The following NR2E3 variants were observed in gnomAD, a reference collection of about 807,000 sequenced individuals.
NR2E3 encodes photoreceptor-specific nuclear receptor.
A neutral mutation model predicts 37.6 loss-of-function variants in NR2E3; 38 were observed. The ratio of observed to expected loss-of-function variants is 1.01; its 90% CI spans 0.78 to 1.33. The LOEUF (loss-of-function observed/expected upper bound fraction) is 1.33. Among genes scored for constraint, NR2E3 ranks in the 40% most tolerant of loss-of-function variants. NR2E3 has a pLI of 0.00. For synonymous variants in NR2E3, 235 were observed against 225.1 expected (o/e 1.04, Z -0.39); for missense variants, 562 against 558.7 (o/e 1.01, Z -0.06).
intron 7 of NR2E3, chr15:71,814,327 G>T: frequency 7.3e-7 from 1 of 1,361,288 alleles, no homozygotes; most frequent in South Asian, 2.0e-5. Flanking sequence ...GCCTTCTAGA[G>T]ACAACCGGCA....
At chr15:71,814,218 G>A (rs2054210305) in intron 7 of NR2E3, 101 bp downstream of exon 7, 3 of 1,487,458 alleles carry the variant, frequency 2.0e-6, no homozygotes, top group South Asian at 2.6e-5. Context: ...ACAGCACAAG[G>A]GTCTCAGTTC....
chr15:71,811,574 C>A lies in NR2E3; in HGVS notation c.210C>A (p.Phe70Leu). 1 of 1,604,332 alleles carries A rather than the reference C, an allele frequency of 6.2e-7. No homozygotes were observed. The highest frequency in any genetic ancestry group is 8.5e-7 in the Non-Finnish European group (1 of 1,176,012). The change falls in exon 2 of 8, where the codon TTC (phenylalanine) becomes TTA (leucine). Residue 70 changes from phenylalanine to leucine, a missense_variant. Coordinates refer to ENST00000617575, the MANE Select transcript of NR2E3 (RefSeq NM_014249.4). This position sits in a 1 kb window ranked among gnomAD's most constrained non-coding sequence, Gnocchi z 5.6. ...ATGCCTGCAACGGCTGCAGCGGCTT[C>A]TTCAAGAGGAGCGTACGGCGGAGGC... ...GIYACNGCSG[F>L]FKRSVRRRLI...
chr15:71,814,743 G>A, intron 7 of NR2E3: 2 of 985,828 alleles, frequency 2.0e-6, no homozygotes, highest in Non-Finnish European at 2.4e-6. Context: ...ACGCAGACTG[G>A]CATGGCCATG....
chr15:71,814,109 GC>G lies in NR2E3; in HGVS notation c.1095del (p.Val366Ter). 6.2e-7 allele frequency: 1 copy of G among 1,610,628 alleles called. No individual in the cohort carries two copies. The highest frequency in any genetic ancestry group is 1.1e-5 in the South Asian group (1 of 90,758). On this transcript the variant is annotated frameshift_variant, in exon 7 of 8. Transcript: ENST00000617575. LOFTEE classifies it high-confidence loss of function. ...QHSKAHHPSQ[P>X]VRFGKLLLLL... ...ACAGCAAGGCCCACCACCCCAGCCA[GC>G]CCGTGAGGTGACCTGAGCATGCGCC... is the stretch of plus-strand genomic sequence containing the variant.
chr15:71,817,375 G>A, intron 7 of NR2E3, 177 bp from the exon 8 acceptor site: 2 of 686,794 alleles, frequency 2.9e-6, no homozygotes, highest in Non-Finnish European at 4.5e-6. Flanking sequence ...TGGGATTACG[G>A]GCGTGAGCCA....
At chr15:71,810,984 C>A in intron 1 of NR2E3, 123 bp downstream of exon 1, 3 of 993,016 alleles carry the variant, frequency 3.0e-6, no homozygotes, top group Non-Finnish European at 2.8e-6. Flanking sequence ...CGGCTGTGGG[C>A]AAGGGTGGGG....
At chr15:71,810,964 C>T in intron 1 of NR2E3, 103 bp downstream of exon 1, 1 of 1,255,958 alleles carries the variant, frequency 8.0e-7, no homozygotes, top group Non-Finnish European at 1.1e-6. Flanking sequence ...CAACTCAGAC[C>T]CAGCCCCGCC....
At position 71,817,630 on chromosome 15, in the gene NR2E3, G is replaced by T. The variant is rs751040956; in HGVS notation, c.1179G>T (p.Lys393Asn). ...AERIELLFFRKTIGNTPMEKL... is the reference protein window; with the variant it reads ...AERIELLFFRNTIGNTPMEKL... ...GCATCGAGCTCCTCTTTTTCCGCAA[G>T]ACCATAGGGAATACTCCAATGGAGA... is the stretch of plus-strand genomic sequence containing the variant. The change falls in exon 8 of 8, where the codon AAG becomes AAT. Residue 393 changes from lysine to asparagine, a missense_variant. Coordinates refer to ENST00000617575, the MANE Select transcript of NR2E3 (RefSeq NM_014249.4). The T allele has an allele frequency of 3.0e-5, 49 of 1,610,558 alleles. No homozygotes were observed. The highest frequency in any genetic ancestry group is 3.8e-5 in the Non-Finnish European group (45 of 1,177,064).
chr15:71,814,630 G>A (rs990644780), intron 7 of NR2E3: 26 of 956,578 alleles, frequency 2.7e-5, no homozygotes, highest in Admixed American at 6.1e-5. Context: ...GGACCAGCCC[G>A]TTCAGGACTT....
chr15:71,815,799 TTC>T (rs2054222226), intron 7 of NR2E3, among the ~76,000 whole-genome samples: 1 of 152,212 alleles, frequency 6.6e-6, no homozygotes, highest in Admixed American at 6.5e-5. Flanking sequence ...TACCTGATGT[TTC>T]TCTTTTCTTT....
At chr15:71,814,771 T>C in intron 7 of NR2E3, 1 of 985,566 alleles carries the variant, frequency 1.0e-6, no homozygotes, top group Non-Finnish European at 1.2e-6. Context: ...AGGATACTAC[T>C]GGGAAGGGGA....
Position 71,811,989 on chromosome 15 carries a change from C to T in NR2E3, c.384C>T (p.Ala128=). The part of the protein sequence containing the change: ...VQNERQPRST[A]QVHLDSMESN... ...ACGAGCGCCAGCCGCGAAGCACAGC[C>T]CAGGTCCACCTGGACAGCATGGAGT... The change falls in exon 4 of 8, where the codon GCC becomes GCT. Residue 128 remains alanine (A), a synonymous_variant. Coordinates refer to ENST00000617575, the MANE Select transcript of NR2E3 (RefSeq NM_014249.4). The surrounding 1 kb of genome is among the most constrained non-coding windows in gnomAD (Gnocchi z 5.6). 6.4e-7 allele frequency: 1 copy of T among 1,554,250 alleles called. No homozygotes were observed.
chr15:71,814,153 C>T (rs906103953), intron 7 of NR2E3, 36 bp downstream of exon 7: 1 of 1,592,286 alleles, frequency 6.3e-7, no homozygotes, highest in Non-Finnish European at 8.5e-7. Flanking sequence ...TCATCTGTCC[C>T]TGACCTCTAA....
At chr15:71,812,560 C>T (rs527595821) in intron 5 of NR2E3, 49 bp downstream of exon 5, 14 of 1,515,990 alleles carry the variant, frequency 9.2e-6, no homozygotes, top group African/African-American at 8.3e-5. Context: ...TGGGGTCAGG[C>T]GGCCCACTCG....
chr15:71,815,356 C>T (rs2054218605), intron 7 of NR2E3, among the ~76,000 whole-genome samples: 2 of 152,228 alleles, frequency 1.3e-5, no homozygotes, highest in South Asian at 4.1e-4. Flanking sequence ...AGAAAAGCCA[C>T]AGTATACAAA....
In NR2E3 at chr15:71,810,678, G is replaced by T; in HGVS notation, c.-66G>T. On this transcript the variant is annotated 5_prime_UTR_variant, in exon 1 of 8. Coordinates refer to ENST00000617575, the MANE Select transcript of NR2E3 (RefSeq NM_014249.4). ...GAGAGACAGAGGTTCATGGACTGAG[G>T]CAAAGGCTGGGCCAGGCTCAGCAAC... The T allele has an allele frequency of 6.5e-7, 1 of 1,546,492 alleles. No individual in the cohort carries two copies. Among genetic ancestry groups the T allele is most frequent in the South Asian group, 1.2e-5 (1 of 83,116 alleles).
chr15:71,816,244 G>A (rs1227305812), intron 7 of NR2E3, among the ~76,000 whole-genome samples: 2 of 149,288 alleles, frequency 1.3e-5, no homozygotes, highest in South Asian at 4.2e-4. Flanking sequence ...GCGGACTCCT[G>A]TCTTAGCAAA....
Position 71,818,225 on chromosome 15 carries a change from A to G in NR2E3, c.*541A>G, listed in dbSNP as rs533274932. On this transcript the variant is annotated 3_prime_UTR_variant, in exon 8 of 8. Transcript: ENST00000617575. ...CTTTATTTTGTTAGACCTCAATAAAAAAGTAAAAAAAAAAAACAAAAAAAA... is the reference window on the plus strand; with the variant it reads ...CTTTATTTTGTTAGACCTCAATAAAGAAGTAAAAAAAAAAAACAAAAAAAA... 6.6e-6 allele frequency: 1 copy of G among 150,926 alleles called. No individual in the cohort carries two copies. The highest frequency in any genetic ancestry group is 1.9e-4 in the East Asian group (1 of 5,188). The allele number at this position is 150,926 out of a possible 1,614,324, so 9.3% of individuals were successfully genotyped here.
Position 71,811,630 on chromosome 15 carries a change from TG to T in NR2E3, c.245+24del, listed in dbSNP as rs1445303500. The T allele has an allele frequency of 1.9e-6, 3 of 1,599,328 alleles. No individual in the cohort carries two copies. The highest frequency in any genetic ancestry group is 2.6e-6 in the Non-Finnish European group (3 of 1,173,434). On this transcript the variant is annotated intron_variant, in intron 2 of 7. Transcript: ENST00000617575. This position sits in a 1 kb window ranked among gnomAD's most constrained non-coding sequence, Gnocchi z 5.6. ...TACAGGTGAGTGCGGTGGGCCCTGC[TG>T]GGCGTCTGCCCCTGAGGGGTTCTGG... is the stretch of plus-strand genomic sequence containing the variant.
Sources: gnomAD v4.1 joint callset for allele counts (sites outside exome capture counted in the v4.1 genomes callset) on GRCh38, gnomAD v4.1.1 for gene constraint, Gnocchi (gnomAD v3.1) non-coding constraint, MANE v1.5 for transcripts, NCBI Gene and HGNC (gene_info 2026-07-23, HGNC 2026-07-21) for gene names.